The following TBCD variants were observed in gnomAD, a reference collection of about 807,000 sequenced individuals.
TBCD encodes tubulin folding cofactor D, also known as tubulin-specific chaperone D.
In TBCD, 105 loss-of-function variants were observed where a neutral mutation model predicts 169.3. The observed-to-expected ratio is 0.62, with a 90% CI of 0.53 to 0.73. The LOEUF is 0.73. Among genes scored for constraint, TBCD ranks in the 30% least tolerant of loss-of-function variants. TBCD has a pLI of 0.00. For missense variants in TBCD, 1,444 were observed against 1,600.1 expected (o/e 0.90, Z 1.66); for synonymous variants, 700 against 643.9 (o/e 1.09, Z -1.32).
In TBCD at chr17:82,926,456, T is replaced by C; in HGVS notation, c.2436T>C (p.Ala812=). ...CTTCCCCCGAGGACGTAAGTTTTGC[T>C]GAGTCCAGGAGAGACGGCTTGAAGG... ...THTSPEDVSF[A]ESRRDGLKAI... The change falls in exon 28 of 39, where the codon GCT becomes GCC. Residue 812 remains alanine (A), a synonymous_variant. Transcript: ENST00000355528. 1.9e-6 allele frequency: 3 copies of C among 1,614,042 alleles called. No homozygotes were observed. Among genetic ancestry groups the C allele is most frequent in the Non-Finnish European group, 2.5e-6 (3 of 1,179,898 alleles).
intron 13 of TBCD, among the ~76,000 whole-genome samples, chr17:82,821,007 G>C (rs1256482438): frequency 1.3e-5 from 2 of 152,126 alleles, no homozygotes; most frequent in Non-Finnish European, 2.9e-5. Flanking sequence ...CCAGGCTGGA[G>C]TGCAGTGGTG....
intron 28 of TBCD, chr17:82,926,837 C>T (rs1228356629): frequency 8.1e-6 from 4 of 495,502 alleles, no homozygotes; most frequent in Non-Finnish European, 1.4e-5. Context: ...CATATGCCCT[C>T]TCCTCCCTGC....
intron 13 of TBCD, among the ~76,000 whole-genome samples, chr17:82,868,783 T>C (rs2145929907): frequency 6.6e-6 from 1 of 152,354 alleles, no homozygotes; most frequent in Non-Finnish European, 1.5e-5. Flanking sequence ...CTGATGACAG[T>C]TGCATGTGCA....
intron 13 of TBCD, among the ~76,000 whole-genome samples, chr17:82,818,305 T>C (rs908755664): frequency 2.0e-4 from 30 of 152,322 alleles, no homozygotes; most frequent in South Asian, 4.1e-4. Context: ...AGCTGTGCTG[T>C]CTCTGCACAG....
chr17:82,862,696 G>A (rs533621799), intron 13 of TBCD, among the ~76,000 whole-genome samples: 38 of 152,302 alleles, frequency 2.5e-4, no homozygotes, highest in Admixed American at 1.5e-3. Flanking sequence ...GTGATGCCCC[G>A]CCATGTCTTT....
rs888366432 is a variant in TBCD at position 82,806,113 on chromosome 17, T to C, written c.1087+102T>C. On this transcript the variant is annotated intron_variant, in intron 10 of 38. Coordinates refer to ENST00000355528, the MANE Select transcript of TBCD (RefSeq NM_005993.5). The surrounding 1 kb of genome is among the most constrained non-coding windows in gnomAD (Gnocchi z 5.1). ...CCTTCTTCCTTGCTGGTGCCGGCACTGTCTGGCCACCCGTCCCCTTCGCTG... is the reference window on the plus strand; with the variant it reads ...CCTTCTTCCTTGCTGGTGCCGGCACCGTCTGGCCACCCGTCCCCTTCGCTG... The C allele has an allele frequency of 2.0e-6, 3 of 1,477,418 alleles. No individual in the cohort carries two copies. The highest frequency in any genetic ancestry group is 2.7e-6 in the Non-Finnish European group (3 of 1,095,172). 91.5% of individuals were successfully genotyped at this position (1,477,418 alleles called of 1,614,324 possible). A position where few individuals can be genotyped will look rare whatever the true frequency, so the allele number is the denominator to read the frequency against.
At chr17:82,909,204 T>C in intron 21 of TBCD, 81 bp from the exon 22 acceptor site, 1 of 1,189,638 alleles carries the variant, frequency 8.4e-7, no homozygotes, top group Non-Finnish European at 1.2e-6. Flanking sequence ...TTCTCTTTGT[T>C]CTTGTTTTTG....
intron 13 of TBCD, chr17:82,838,838 TA>T: frequency 2.0e-6 from 2 of 985,438 alleles, no homozygotes; most frequent in Non-Finnish European, 1.2e-6. Flanking sequence ...CCTGAGCTCG[TA>T]AACAAACGCT....
Position 82,927,205 on chromosome 17 carries a change from G to T in TBCD, c.2491G>T (p.Val831Leu), listed in dbSNP as rs767312384. Residue 831 changes from valine to leucine, a missense_variant, in exon 29 of 39, where the codon GTG becomes TTG. Coordinates refer to ENST00000355528, the MANE Select transcript of TBCD (RefSeq NM_005993.5). ...TTTCAGGATTTGCCAGACTGTTGGT[G>T]TGAAAGCAGGAGCCCCAGACGAAGC... is the stretch of plus-strand genomic sequence containing the variant. ...AIARICQTVG[V>L]KAGAPDEAVC... 52 of 1,614,066 alleles carry T rather than the reference G, an allele frequency of 3.2e-5. No homozygotes were observed. The highest frequency in any genetic ancestry group is 4.2e-5 in the Non-Finnish European group (50 of 1,179,904).
intron 13 of TBCD, among the ~76,000 whole-genome samples, chr17:82,824,940 T>TC (rs1468222609): frequency 3.7e-5 from 5 of 135,038 alleles, no homozygotes; most frequent in African/African-American, 1.7e-4. Flanking sequence ...AATAAGTCTC[T>TC]TTTTTTTTTC....
chr17:82,863,081 T>G (rs891233123), intron 13 of TBCD, among the ~76,000 whole-genome samples: 1 of 152,166 alleles, frequency 6.6e-6, no homozygotes, highest in African/African-American at 2.4e-5. Context: ...AGTGAAGATA[T>G]GAGGATGGGA....
chr17:82,937,882 A>G (rs2062765714), intron 35 of TBCD, 167 bp from the exon 36 acceptor site: 11 of 1,518,880 alleles, frequency 7.2e-6, no homozygotes, highest in African/African-American at 1.4e-5. Flanking sequence ...GTGTAGGCAC[A>G]GTGCAGATGT....
intron 2 of TBCD, among the ~76,000 whole-genome samples, chr17:82,758,399 AAAAAT>A (rs1182949084): frequency 2.4e-4 from 32 of 131,612 alleles, no homozygotes; most frequent in Non-Finnish European, 4.6e-4. Flanking sequence ...AAAAAAAAAA[AAAAAT>A]AAATAAATAA....
Position 82,874,669 on chromosome 17 carries a change from C to T in TBCD, c.1475+4289C>T, listed in dbSNP as rs909738342. On this transcript the variant is annotated intron_variant, in intron 14 of 38. Coordinates refer to ENST00000355528, the MANE Select transcript of TBCD (RefSeq NM_005993.5). This position sits in a 1 kb window ranked among gnomAD's most constrained non-coding sequence, Gnocchi z 5.0. Reference sequence around the variant, plus strand: ...ATCCCTCCTTGGCCCACGCAGACTCCAGGCATCCGGCCGGGCGGGCTGTGA... The same window carrying T: ...ATCCCTCCTTGGCCCACGCAGACTCTAGGCATCCGGCCGGGCGGGCTGTGA... Among the ~76,000 whole-genome samples, 31 of 152,300 alleles carry T rather than the reference C, an allele frequency of 2.0e-4. No individual in the cohort carries two copies. The highest frequency in any genetic ancestry group is 6.7e-4 in the African/African-American group (28 of 41,560).
chr17:82,944,860 G>A lies in TBCD; in HGVS notation c.*2397G>A, dbSNP rs894538867. 1 of 152,164 alleles carries A rather than the reference G, an allele frequency of 6.6e-6. No individual in the cohort carries two copies. Among genetic ancestry groups the A allele is most frequent in the Non-Finnish European group, 1.5e-5 (1 of 68,032 alleles). 9.4% of individuals were successfully genotyped at this position (152,164 alleles called of 1,614,324 possible). On this transcript the variant is annotated 3_prime_UTR_variant, in exon 39 of 39. Coordinates refer to ENST00000355528, the MANE Select transcript of TBCD (RefSeq NM_005993.5). ...TTTAAGGCCCAGGGCCAGATCTAAT[G>A]GACCACTATATAAAGCTGGGACCCT...
intron 13 of TBCD, among the ~76,000 whole-genome samples, chr17:82,850,731 G>T (rs74002588): frequency 0.01 from 1,557 of 152,286 alleles, 20 homozygotes; most frequent in African/African-American, 0.035. Flanking sequence ...GGCCCCCATG[G>T]CCTCATCAGC....
At chr17:82,901,506 C>T (rs562387881) in intron 18 of TBCD, among the ~76,000 whole-genome samples, 13 of 148,024 alleles carry the variant, frequency 8.8e-5, no homozygotes, top group Admixed American at 2.7e-4. Flanking sequence ...GCCTGGGGAG[C>T]GGCCCGGCTG....
At chr17:82,768,377 A>G in intron 4 of TBCD, 43 bp from the exon 5 acceptor site, 1 of 1,610,804 alleles carries the variant, frequency 6.2e-7, no homozygotes, top group Non-Finnish European at 8.5e-7. Flanking sequence ...GTGGCCTGTG[A>G]TTTTCAAGCA....
chr17:82,921,725 A>G, intron 25 of TBCD, 148 bp downstream of exon 25: 1 of 710,590 alleles, frequency 1.4e-6, no homozygotes, highest in Non-Finnish European at 2.5e-6. Flanking sequence ...TCTATTTGGA[A>G]TCCCGGATGG....
Sources: allele counts gnomAD v4.1 joint callset (sites outside exome capture counted in the v4.1 genomes callset), GRCh38; gene constraint gnomAD v4.1.1; non-coding constraint Gnocchi (gnomAD v3.1); transcripts MANE v1.5; gene names NCBI Gene and HGNC (gene_info 2026-07-23, HGNC 2026-07-21).